The following IL17B variants were observed in gnomAD, a reference collection of about 807,000 sequenced individuals.
IL17B encodes the protein interleukin-17B.
IL17B carries 14 observed loss-of-function variants against 14.7 expected under a neutral mutation model. The observed-to-expected ratio is 0.95, with a 90% CI of 0.63 to 1.49. The LOEUF (loss-of-function observed/expected upper bound fraction) is 1.49, where lower values mean the gene tolerates loss of function less well. IL17B is among the 40% of genes most tolerant of loss of function. The probability of loss-of-function intolerance (pLI) is 0.00; values close to 1 mark genes in which losing one functional copy is unlikely to be tolerated. For synonymous variants in IL17B, 105 were observed against 94.8 expected (o/e 1.11, Z -0.62); for missense variants, 233 against 252.8 (o/e 0.92, Z 0.53).
chr5:149,376,597 CA>C, intron 2 of IL17B, 138 bp downstream of exon 2: 1 of 1,120,822 alleles, frequency 8.9e-7, no homozygotes, highest in South Asian at 1.7e-5. Flanking sequence ...CAAAGCCTCA[CA>C]GGCAAGTAAG....
chr5:149,387,099 C>T (rs1758840797), intron 1 of IL17B, among the ~76,000 whole-genome samples: 1 of 152,222 alleles, frequency 6.6e-6, no homozygotes, highest in Admixed American at 6.5e-5. Context: ...TGCTGGGCCC[C>T]TCTCCTCTCA....
chr5:149,403,893 T>C (rs1759261985), intron 1 of IL17B, among the ~76,000 whole-genome samples: 1 of 152,208 alleles, frequency 6.6e-6, no homozygotes, highest in East Asian at 1.9e-4. Context: ...AGGTTCCAAC[T>C]GTACCAATTC....
In IL17B at chr5:149,374,889, G is replaced by T. The variant is rs1758482973; in HGVS notation, c.312-289C>A. ...TCCCAGTACTAGGTTGCGCTGTGGGGATTGTGGAGTAGCCCTCTACCACCT... is the reference window on the plus strand; with the variant it reads ...TCCCAGTACTAGGTTGCGCTGTGGGTATTGTGGAGTAGCCCTCTACCACCT... On this transcript the variant is annotated intron_variant, in intron 2 of 2. Coordinates refer to ENST00000261796, the MANE Select transcript of IL17B (RefSeq NM_014443.3). This position sits in a 1 kb window ranked among gnomAD's most constrained non-coding sequence, Gnocchi z 5.0. The T allele has an allele frequency of 2.9e-6, 1 of 350,314 alleles. No individual in the cohort carries two copies. Among genetic ancestry groups the T allele is most frequent in the Non-Finnish European group, 5.3e-6 (1 of 189,528 alleles). 21.7% of individuals were successfully genotyped at this position (350,314 alleles called of 1,614,324 possible).
intron 1 of IL17B, among the ~76,000 whole-genome samples, chr5:149,399,049 C>T (rs879871245): frequency 6.6e-6 from 1 of 152,202 alleles, no homozygotes; most frequent in Non-Finnish European, 1.5e-5. Flanking sequence ...TATCAGATCT[C>T]GCGAGACTCA....
chr5:149,395,244 C>T (rs891127388), intron 1 of IL17B, among the ~76,000 whole-genome samples: 4 of 152,124 alleles, frequency 2.6e-5, no homozygotes, highest in Admixed American at 1.3e-4. Flanking sequence ...ATATGTGCTA[C>T]ATCTCCTTTA....
At chr5:149,382,844 AG>A (rs1251906531), upstream of IL17B, among the ~76,000 whole-genome samples, 1 of 152,254 alleles carries the variant, frequency 6.6e-6, no homozygotes, top group Admixed American at 6.5e-5. Context: ...GAGAGCTCCC[AG>A]GGTGCTCGTG....
intron 1 of IL17B, among the ~76,000 whole-genome samples, chr5:149,388,962 AG>A (rs1214168075): frequency 6.6e-6 from 1 of 152,212 alleles, no homozygotes; most frequent in East Asian, 1.9e-4. Flanking sequence ...CTGACTTCAC[AG>A]GTTTGCTATG....
upstream of IL17B, among the ~76,000 whole-genome samples, chr5:149,381,250 C>T (rs1758689025): frequency 6.6e-6 from 1 of 152,226 alleles, no homozygotes; most frequent in Admixed American, 6.5e-5. Flanking sequence ...TTGTCAGCTT[C>T]CCCTGCTCCA....
At position 149,378,259 on chromosome 5, in the gene IL17B, C is replaced by T. The variant is rs1196895152; in HGVS notation, c.21+946G>A. Among the ~76,000 whole-genome samples, 4 of 152,292 alleles carry T rather than the reference C, an allele frequency of 2.6e-5. No homozygotes were observed. In the East Asian group the frequency reaches 5.8e-4, roughly 22 times the overall value. ...GGGCAAGTTATGGGCTAAGGATGTC[C>T]TGTCCGCCTGCACTGCCCTTCTCCC... On this transcript the variant is annotated intron_variant, in intron 1 of 2. Coordinates refer to ENST00000261796, the MANE Select transcript of IL17B (RefSeq NM_014443.3).
chr5:149,382,988 C>A (rs775012495), upstream of IL17B, among the ~76,000 whole-genome samples: 3 of 152,212 alleles, frequency 2.0e-5, no homozygotes, highest in Non-Finnish European at 2.9e-5. Context: ...GGAAGTGCAG[C>A]CGGGAGGGCA....
upstream of IL17B, among the ~76,000 whole-genome samples, chr5:149,384,025 A>G (rs1343177873): frequency 2.0e-5 from 3 of 152,206 alleles, no homozygotes; most frequent in East Asian, 5.8e-4. Flanking sequence ...GAGGTAGGGG[A>G]TACCTCATCC....
intron 1 of IL17B, among the ~76,000 whole-genome samples, chr5:149,391,654 T>C (rs1758966746): frequency 6.6e-6 from 1 of 152,242 alleles, no homozygotes; most frequent in Admixed American, 6.5e-5. Flanking sequence ...CTCTCCTTCA[T>C]CTCTCAAGTG....
At chr5:149,377,104 C>T (rs1055143348) in intron 1 of IL17B, 79 bp from the exon 2 acceptor site, 2 of 1,267,224 alleles carry the variant, frequency 1.6e-6, no homozygotes, top group African/African-American at 1.5e-5. Context: ...ATGGTCCTTT[C>T]CCATTGCTCT....
chr5:149,381,441 C>T (rs1758692751), upstream of IL17B, among the ~76,000 whole-genome samples: 1 of 152,246 alleles, frequency 6.6e-6, no homozygotes, highest in Non-Finnish European at 1.5e-5. Context: ...GAGGGTCCTA[C>T]CCCAGCTCAC....
intron 1 of IL17B, among the ~76,000 whole-genome samples, chr5:149,392,914 G>A (rs1486038058): frequency 2.0e-5 from 3 of 151,946 alleles, no homozygotes; most frequent in African/African-American, 4.8e-5. Flanking sequence ...ATCTGTGTAC[G>A]TGTGTGTGCA....
At chr5:149,400,328 G>T (rs547354500) in intron 1 of IL17B, among the ~76,000 whole-genome samples, 1 of 152,196 alleles carries the variant, frequency 6.6e-6, no homozygotes, top group Admixed American at 6.5e-5. Flanking sequence ...CAAGCCGCTA[G>T]AATCTAGGAG....
intron 1 of IL17B, among the ~76,000 whole-genome samples, chr5:149,390,630 C>CACACACACACACACACACACACACAG (rs1491235916): frequency 1.6e-4 from 21 of 132,000 alleles, no homozygotes; most frequent in African/African-American, 6.1e-4. Flanking sequence ...CACACACACA[C>CACACACACACACACACACACACACAG]AGAGATACAC....
At chr5:149,388,112 A>G (rs1198825980) in intron 1 of IL17B, among the ~76,000 whole-genome samples, 2 of 152,208 alleles carry the variant, frequency 1.3e-5, no homozygotes, top group Non-Finnish European at 2.9e-5. Flanking sequence ...TTATGGACAA[A>G]TCTACATTGG....
At chr5:149,388,329 G>A (rs767846166) in intron 1 of IL17B, among the ~76,000 whole-genome samples, 2 of 152,144 alleles carry the variant, frequency 1.3e-5, no homozygotes, top group Non-Finnish European at 2.9e-5. Context: ...GGATTCCCTT[G>A]TATTCTATCC....
Sources: allele counts gnomAD v4.1 joint callset (sites outside exome capture counted in the v4.1 genomes callset), GRCh38; gene constraint gnomAD v4.1.1; non-coding constraint Gnocchi (gnomAD v3.1); transcripts MANE v1.5; gene names NCBI Gene and HGNC (gene_info 2026-07-23, HGNC 2026-07-21).